PTPN23: variants seen among roughly 807,000 people sequenced by gnomAD.
PTPN23 encodes tyrosine-protein phosphatase non-receptor type 23.
PTPN23 carries 72 observed loss-of-function variants against 156.3 expected under a neutral mutation model. The ratio of observed to expected loss-of-function variants is 0.46; its 90% confidence interval spans 0.38 to 0.56. PTPN23 has a LOEUF of 0.56. Among genes scored for constraint, PTPN23 ranks in the 20% least tolerant of loss-of-function variants. The probability of loss-of-function intolerance (pLI) is 0.00; values close to 1 mark genes in which losing one functional copy is unlikely to be tolerated. For missense variants in PTPN23, 1,974 were observed against 2,171.5 expected, an observed-to-expected ratio of 0.91 and a Z score of 1.81; for synonymous variants, 957 against 899.6, an observed-to-expected ratio of 1.06 and a Z score of -1.14.
intron 2 of PTPN23, among the ~76,000 whole-genome samples, chr3:47,400,426 T>A (rs1704969587): frequency 6.6e-6 from 1 of 152,260 alleles, no homozygotes; most frequent in Non-Finnish European, 1.5e-5. Flanking sequence ...GCAGCTCGTC[T>A]GAGAGTCTGA....
At chr3:47,384,022 TTAGAA>T (rs1280999063) in intron 1 of PTPN23, among the ~76,000 whole-genome samples, 5 of 152,088 alleles carry the variant, frequency 3.3e-5, no homozygotes, top group African/African-American at 1.2e-4. Flanking sequence ...AGAATTTAAT[TTAGAA>T]TAGAAGGGTG....
chr3:47,411,099 C>A lies in PTPN23; in HGVS notation c.3301C>A (p.Pro1101Thr), dbSNP rs1380347709. 2 of 1,603,964 alleles carry A rather than the reference C, an allele frequency of 1.2e-6. No individual in the cohort carries two copies. Among genetic ancestry groups the A allele is most frequent in the African/African-American group, 2.7e-5 (2 of 74,738 alleles). Residue 1101 changes from proline (P) to threonine (T), a missense_variant, in exon 20 of 25, where the codon CCC (proline) becomes ACC (threonine). Pro to Thr is a conservative substitution (Grantham distance 38). Transcript: ENST00000265562. This position sits in a 1 kb window ranked among gnomAD's most constrained non-coding sequence, Gnocchi z 6.3. ...SPGPGPVPPR[P>T]PAAEPPPCLR... ...AGGGCCTGGTCCGGTACCCCCTCGC[C>A]CCCCAGCAGCAGAACCACCCCCTTG... is the stretch of plus-strand genomic sequence containing the variant.
At chr3:47,397,506 T>C (rs1315506698) in intron 2 of PTPN23, among the ~76,000 whole-genome samples, 2 of 152,238 alleles carry the variant, frequency 1.3e-5, no homozygotes, top group Non-Finnish European at 2.9e-5. Flanking sequence ...ACCAGTAATG[T>C]AGATACATGC....
chr3:47,389,708 C>G (rs191965909), intron 1 of PTPN23, among the ~76,000 whole-genome samples: 4 of 152,058 alleles, frequency 2.6e-5, no homozygotes, highest in African/African-American at 7.2e-5. Flanking sequence ...GGCGTGGTGG[C>G]GGGTGCCTGT....
rs769539828 is a variant in PTPN23, at chr3:47,413,187, C to A, written c.*2C>A. On this transcript the variant is annotated 3_prime_UTR_variant, in exon 25 of 25. Transcript: ENST00000265562. Reference sequence around the variant, plus strand: ...CTCTGGACACTCAACAAGACCTGAACAGGTTTTGCCTACCTGGTCCTTACA... The same window carrying A: ...CTCTGGACACTCAACAAGACCTGAAAAGGTTTTGCCTACCTGGTCCTTACA... 1.9e-6 allele frequency: 3 copies of A among 1,605,938 alleles called. No individual in the cohort carries two copies. In the South Asian group the frequency reaches 3.3e-5, roughly 18 times the overall value.
intron 1 of PTPN23, among the ~76,000 whole-genome samples, chr3:47,390,281 G>T (rs531875403): frequency 1.6e-4 from 25 of 152,210 alleles, no homozygotes; most frequent in African/African-American, 5.8e-4. Flanking sequence ...CAACTCAGGG[G>T]CACTGTTTCC....
At position 47,412,193 on chromosome 3, in the gene PTPN23, C is replaced by T. The variant is rs369201747; in HGVS notation, c.4173C>T (p.His1391=). Residue 1391 remains histidine, a synonymous_variant, in exon 22 of 25, where the codon CAC becomes CAT. Transcript: ENST00000265562. ...QRPLHTPIIV[H]CSSGVGRTGA... ...CGCTGCACACGCCCATCATTGTGCA[C>T]TGCAGGTAGAGGGTGGGCCTGAGGG... is the stretch of plus-strand genomic sequence containing the variant. The T allele has an allele frequency of 5.0e-6, 8 of 1,613,258 alleles. No homozygotes were observed. The highest frequency in any genetic ancestry group is 6.8e-6 in the Non-Finnish European group (8 of 1,180,034).
chr3:47,409,410 T>A lies in PTPN23; in HGVS notation c.1798-7T>A. 6.2e-7 allele frequency: 1 copy of A among 1,613,936 alleles called. No individual in the cohort carries two copies. The highest frequency in any genetic ancestry group is 8.5e-7 in the Non-Finnish European group (1 of 1,179,954). On this transcript the variant is annotated splice_polypyrimidine_tract_variant and splice_region_variant and intron_variant, in intron 17 of 24. Coordinates refer to ENST00000265562, the MANE Select transcript of PTPN23 (RefSeq NM_015466.4). ...GTGTCCGTCCCTGGCCCCCACCCCT[T>A]CCTCAGAAGTTGTTCGAGGAGCAGC...
At chr3:47,388,866 T>C (rs1340734804) in intron 1 of PTPN23, among the ~76,000 whole-genome samples, 1 of 152,112 alleles carries the variant, frequency 6.6e-6, no homozygotes, top group East Asian at 1.9e-4. Flanking sequence ...GGTTTTGCCA[T>C]GTTGGACAGG....
rs367965709 is a variant in PTPN23 at position 47,408,482 on chromosome 3, C to T, written c.1322C>T (p.Ser441Phe). The T allele has an allele frequency of 1.2e-6, 2 of 1,611,668 alleles. No homozygotes were observed. The highest frequency in any genetic ancestry group is 1.3e-5 in the African/African-American group (1 of 74,864). The change falls in exon 15 of 25, where the codon TCC becomes TTC. Residue 441 changes from serine to phenylalanine, a missense_variant. Coordinates refer to ENST00000265562, the MANE Select transcript of PTPN23 (RefSeq NM_015466.4). ...RPDTVRNLVQ[S>F]MQVLSGVFTD... ...GACACTGTCAGGAACCTTGTACAGT[C>T]CATGCAAGGTGAGTAAGGGGCAGAG...
chr3:47,406,895 T>C lies in PTPN23; in HGVS notation c.807+145T>C. 8.1e-7 allele frequency: 1 copy of C among 1,228,172 alleles called. No individual in the cohort carries two copies. The allele number at this position is 1,228,172 out of a possible 1,614,324, so 76.1% of individuals were successfully genotyped here. The stretch of plus-strand genomic sequence containing the variant: ...GCTGGAGGCCTGGTGTCTTAAGTGT[T>C]GTCCCATCTGTGCAGCCCTCGTCCC... On this transcript the variant is annotated intron_variant, in intron 9 of 24. Coordinates refer to ENST00000265562, the MANE Select transcript of PTPN23 (RefSeq NM_015466.4). The surrounding 1 kb of genome is among the most constrained non-coding windows in gnomAD (Gnocchi z 5.8).
intron 1 of PTPN23, among the ~76,000 whole-genome samples, chr3:47,381,578 C>T (rs747736029): frequency 6.6e-6 from 1 of 152,184 alleles, no homozygotes; most frequent in Non-Finnish European, 1.5e-5. Flanking sequence ...TGCGCCCGGC[C>T]CTCGGTGCGC....
chr3:47,383,991 A>G (rs1418637486), intron 1 of PTPN23, among the ~76,000 whole-genome samples: 1 of 152,198 alleles, frequency 6.6e-6, no homozygotes, highest in African/African-American at 2.4e-5. Flanking sequence ...AACCTCTGCC[A>G]GTGAATTGGA....
chr3:47,405,486 G>C lies in PTPN23; in HGVS notation c.365-263G>C, dbSNP rs148044466. 2 of 559,560 alleles carry C rather than the reference G, an allele frequency of 3.6e-6. No individual in the cohort carries two copies. Among genetic ancestry groups the C allele is most frequent in the African/African-American group, 3.8e-5 (2 of 52,896 alleles). The allele number at this position is 559,560 out of a possible 1,614,324, so 34.7% of individuals were successfully genotyped here. A position where few individuals can be genotyped will look rare whatever the true frequency, so the allele number is the denominator to read the frequency against. ...GAAGCTTGGGGAGCCCCAGAGTTCT[G>C]TGCAAACATCCCTGAAGCTTCAAGA... On this transcript the variant is annotated intron_variant, in intron 4 of 24. Coordinates refer to ENST00000265562, the MANE Select transcript of PTPN23 (RefSeq NM_015466.4). The surrounding 1 kb of genome is among the most constrained non-coding windows in gnomAD (Gnocchi z 4.7).
chr3:47,409,111 GGA>G, intron 16 of PTPN23, 24 bp downstream of exon 16: 1 of 1,607,146 alleles, frequency 6.2e-7, no homozygotes, highest in Non-Finnish European at 8.5e-7. Flanking sequence ...GACCCCATTG[GGA>G]GACTCGAGCT....
intron 1 of PTPN23, among the ~76,000 whole-genome samples, chr3:47,394,464 C>G (rs1050094462): frequency 6.6e-6 from 1 of 152,296 alleles, no homozygotes; most frequent in Non-Finnish European, 1.5e-5. Context: ...CTGGTTGTCC[C>G]TGGGAGGTGC....
Position 47,409,284 on chromosome 3 carries a change from C to T in PTPN23, c.1764C>T (p.Ala588=). 6.2e-7 allele frequency: 1 copy of T among 1,614,134 alleles called. No individual in the cohort carries two copies. Among genetic ancestry groups the T allele is most frequent in the Non-Finnish European group, 8.5e-7 (1 of 1,180,038 alleles). The change falls in exon 17 of 25, where the codon GCC becomes GCT. Residue 588 remains alanine (A), a synonymous_variant. Transcript: ENST00000265562. Reference sequence around the variant, plus strand: ...TTATCCAGAAAGATGACATCACTGCCTCGCTGGTCACCACAGACCACTCAG... The same window carrying T: ...TTATCCAGAAAGATGACATCACTGCTTCGCTGGTCACCACAGACCACTCAG... The part of the protein sequence containing the change: ...RELIQKDDIT[A]SLVTTDHSEM...
At position 47,411,810 on chromosome 3, in the gene PTPN23, G is replaced by A. The variant is rs754032084; in HGVS notation, c.3916G>A (p.Glu1306Lys). The change falls in exon 21 of 25, where the codon GAG (glutamate) becomes AAG (lysine). Residue 1306 changes from glutamate to lysine, a missense_variant. Transcript: ENST00000265562. The surrounding 1 kb of genome is among the most constrained non-coding windows in gnomAD (Gnocchi z 6.3). Reference protein sequence around the residue: ...KQKVARYFPTERGQPMVHGAL... With the variant: ...KQKVARYFPTKRGQPMVHGAL... ...AAAAGTGGCACGCTACTTCCCCACCGAGAGGGGCCAGCCCATGGTGCACGG... is the reference window on the plus strand; with the variant it reads ...AAAAGTGGCACGCTACTTCCCCACCAAGAGGGGCCAGCCCATGGTGCACGG... 5.0e-6 allele frequency: 8 copies of A among 1,609,344 alleles called. No individual in the cohort carries two copies. Among genetic ancestry groups the A allele is most frequent in the African/African-American group, 1.3e-5 (1 of 74,694 alleles).
chr3:47,386,107 T>G lies in PTPN23; in HGVS notation c.84+4927T>G, dbSNP rs370042701. Among the ~76,000 whole-genome samples, 44 of 152,202 alleles carry G rather than the reference T, an allele frequency of 2.9e-4. 8 individuals are homozygous for G. Among genetic ancestry groups the G allele is most frequent in the Admixed American group, 2.2e-3 (33 of 15,286 alleles). ...GAAAGAACTTTTCCCTCCTCTGAAT[T>G]CAGACTGTCTTGCTGTCCACCACTG... On this transcript the variant is annotated intron_variant, in intron 1 of 24. Coordinates refer to ENST00000265562, the MANE Select transcript of PTPN23 (RefSeq NM_015466.4).
Sources: gnomAD v4.1 joint callset for allele counts (sites outside exome capture counted in the v4.1 genomes callset) on GRCh38, gnomAD v4.1.1 for gene constraint, Gnocchi (gnomAD v3.1) non-coding constraint, MANE v1.5 for transcripts, NCBI Gene and HGNC (gene_info 2026-07-23, HGNC 2026-07-21) for gene names.